The following CELF1 variants were observed in gnomAD, a reference collection of about 807,000 sequenced individuals.
CELF1 encodes the protein 50 kDa nuclear polyadenylated RNA-binding protein.
Under a neutral mutation model 61.8 loss-of-function variants are expected in CELF1, and 10 were observed. The observed-to-expected ratio is 0.16, with a 90% CI of 0.10 to 0.27. The LOEUF (loss-of-function observed/expected upper bound fraction) is 0.27. Among genes scored for constraint, CELF1 ranks in the 10% least tolerant of loss-of-function variants. The pLI is 1.00. For synonymous variants in CELF1, 236 were observed against 225.1 expected (o/e 1.05, Z -0.43); for missense variants, 380 against 639.1 (o/e 0.59, Z 4.37).
rs1438919197 is a variant in CELF1 at position 47,472,223 on chromosome 11, A to G, written c.*7T>C. On this transcript the variant is annotated 3_prime_UTR_variant, in exon 15 of 15. Coordinates refer to ENST00000687097, the MANE Select transcript of CELF1 (RefSeq NM_001376376.1). ...CCCTCTCACTCCAGTCTCAGAGGGG[A>G]GCACGCTCAGTAGGGCTTGCTGTCA... The G allele has an allele frequency of 1.2e-6, 2 of 1,613,438 alleles. No homozygotes were observed. Among genetic ancestry groups the G allele is most frequent in the African/African-American group, 2.7e-5 (2 of 74,898 alleles).
chr11:47,503,335 T>C (rs150039138), intron 1 of CELF1, among the ~76,000 whole-genome samples: 6 of 152,156 alleles, frequency 3.9e-5, no homozygotes, highest in African/African-American at 9.6e-5. Context: ...AAAAGCCTAG[T>C]TGGCATATGC....
chr11:47,562,692 GT>G (rs1023599037), intron 2 of CELF1, among the ~76,000 whole-genome samples: 15 of 149,910 alleles, frequency 1.0e-4, no homozygotes, highest in African/African-American at 2.9e-4. Context: ...TTCCAGATCA[GT>G]TTTTTTTTGT....
In CELF1 at chr11:47,467,662, C is replaced by T. The variant is rs567618681; in HGVS notation, c.*4568G>A. The T allele has an allele frequency of 6.6e-6, 1 of 152,352 alleles. No homozygotes were observed. The highest frequency in any genetic ancestry group is 2.4e-5 in the African/African-American group (1 of 41,532). The allele number at this position is 152,352 out of a possible 1,614,324, so 9.4% of individuals were successfully genotyped here. A position where few individuals can be genotyped will look rare whatever the true frequency, so the allele number is the denominator to read the frequency against. ...CTAATGTGCTAAATAAGCCTCTTAC[C>T]CACCTGCTGCCACCTTCTAGGCTCT... On this transcript the variant is annotated 3_prime_UTR_variant, in exon 15 of 15. Transcript: ENST00000687097.
chr11:47,500,155 C>T lies in CELF1; in HGVS notation c.-81-551G>A, dbSNP rs903733608. On this transcript the variant is annotated intron_variant, in intron 2 of 14. Transcript: ENST00000687097. ...GGTTGAATAAACTGGCCACCAGAAA[C>T]TTACCACTCACATACAACTGCCTAC... 4.6e-5 allele frequency among the ~76,000 whole-genome samples: 7 copies of T among 151,304 alleles called. No homozygotes were observed. The East Asian group carries it at 1.2e-3, about 25-fold the overall frequency.
Position 47,472,271 on chromosome 11 carries a change from C to CT in CELF1, c.1503dup (p.Val502SerfsTer9). On this transcript the variant is annotated frameshift_variant, in exon 15 of 15. Transcript: ENST00000687097. LOFTEE classifies it high-confidence loss of function. ...TCATTCTTCGAACGTTTGAGCTGCACTTTAAGCCGCTTCATGCCAATCTGA... is the reference window on the plus strand; with the variant it reads ...TCATTCTTCGAACGTTTGAGCTGCACTTTTAAGCCGCTTCATGCCAATCTGA... 1 of 1,614,166 alleles carries CT rather than the reference C, an allele frequency of 6.2e-7. No homozygotes were observed. Among genetic ancestry groups the CT allele is most frequent in the Non-Finnish European group, 8.5e-7 (1 of 1,180,030 alleles).
intron 1 of CELF1, among the ~76,000 whole-genome samples, chr11:47,517,092 C>T (rs2095596766): frequency 6.6e-6 from 1 of 151,656 alleles, no homozygotes; most frequent in Non-Finnish European, 1.5e-5. Context: ...CAAAAAAATT[C>T]AAAAATTAGC....
intron 1 of CELF1, among the ~76,000 whole-genome samples, chr11:47,514,452 T>A (rs1565866701): frequency 6.6e-6 from 1 of 152,136 alleles, no homozygotes; most frequent in East Asian, 1.9e-4. Flanking sequence ...AGTTATATGA[T>A]CTTTCCATGA....
At chr11:47,477,718 C>T in intron 10 of CELF1, 1 of 296,296 alleles carries the variant, frequency 3.4e-6, no homozygotes, top group South Asian at 4.0e-5. Context: ...TACCATAGGG[C>T]CAGGAGCACA....
chr11:47,540,123 T>A (rs1218253238), intron 1 of CELF1, among the ~76,000 whole-genome samples: 1 of 152,132 alleles, frequency 6.6e-6, no homozygotes, highest in Non-Finnish European at 1.5e-5. Context: ...TCCCCTAAAG[T>A]ATATGCAATA....
At chr11:47,504,928 T>C (rs1048474576) in intron 1 of CELF1, among the ~76,000 whole-genome samples, 24 of 149,478 alleles carry the variant, frequency 1.6e-4, no homozygotes, top group Non-Finnish European at 3.4e-4. Context: ...AAAATTTCCA[T>C]TTCAAATCTA....
At chr11:47,477,485 C>A in intron 10 of CELF1, 60 bp from the exon 11 acceptor site, 1 of 1,575,656 alleles carries the variant, frequency 6.3e-7, no homozygotes, top group South Asian at 1.1e-5. Flanking sequence ...TCCATTCCAG[C>A]AATGACAAGC....
chr11:47,506,855 T>C (rs1319565076), intron 1 of CELF1: 2 of 152,338 alleles, frequency 1.3e-5, no homozygotes, highest in Middle Eastern at 3.4e-3. Flanking sequence ...AGTTAGCCCA[T>C]ACCTGTAGCT....
intron 1 of CELF1, among the ~76,000 whole-genome samples, chr11:47,511,796 CTCATGCACA>C (rs1166936669): frequency 6.6e-6 from 1 of 152,140 alleles, no homozygotes; most frequent in Admixed American, 6.5e-5. Context: ...TCCAAGGAAG[CTCATGCACA>C]TAACCCACAG....
intron 1 of CELF1, among the ~76,000 whole-genome samples, chr11:47,516,611 T>G (rs147869194): frequency 0.018 from 2,796 of 152,090 alleles, 58 homozygotes; most frequent in African/African-American, 0.053. Context: ...CTTTTTTTTT[T>G]TTTGTTTGAG....
At chr11:47,476,679 A>G (rs1053420170) in intron 12 of CELF1, among the ~76,000 whole-genome samples, 167 bp downstream of exon 12, 22 of 151,914 alleles carry the variant, frequency 1.4e-4, no homozygotes, top group Middle Eastern at 3.4e-3. Context: ...GCCCACCTTG[A>G]CCTCCCAAAG....
At chr11:47,481,093 T>TTTC (rs1565766340) in intron 9 of CELF1, among the ~76,000 whole-genome samples, 30 of 102,172 alleles carry the variant, frequency 2.9e-4, no homozygotes, top group East Asian at 1.1e-3. Context: ...TTTTTTTTTT[T>TTTC]TTCTTCTTCT....
intron 9 of CELF1, among the ~76,000 whole-genome samples, chr11:47,481,143 G>T (rs911542733): frequency 1.0e-5 from 1 of 100,470 alleles, no homozygotes; most frequent in African/African-American, 3.9e-5. Flanking sequence ...ACAGAGTCTC[G>T]CTCTATTGCC....
chr11:47,474,288 T>C (rs2079009927), intron 13 of CELF1, among the ~76,000 whole-genome samples: 1 of 152,086 alleles, frequency 6.6e-6, no homozygotes, highest in Admixed American at 6.5e-5. Context: ...TTCAAACACA[T>C]CAGGGAACAT....
intron 1 of CELF1, among the ~76,000 whole-genome samples, chr11:47,547,656 C>A (rs1015148808): frequency 1.5e-5 from 2 of 129,084 alleles, no homozygotes; most frequent in African/African-American, 5.7e-5. Context: ...GCGACAAGAG[C>A]GAAACTCCAT....
Sources: gnomAD v4.1 joint callset for allele counts (sites outside exome capture counted in the v4.1 genomes callset) on GRCh38, gnomAD v4.1.1 for gene constraint, MANE v1.5 for transcripts, NCBI Gene and HGNC (gene_info 2026-07-23, HGNC 2026-07-21) for gene names.